The following HEPH variants were observed in gnomAD, a reference collection of about 807,000 sequenced individuals.
The protein encoded by HEPH is hephaestin.
HEPH carries 69 observed loss-of-function variants against 80.8 expected under a neutral mutation model. The ratio of observed to expected loss-of-function variants is 0.85; its 90% confidence interval spans 0.70 to 1.04. The LOEUF (loss-of-function observed/expected upper bound fraction) is 1.04, where lower values mean the gene tolerates loss of function less well. HEPH is among the 50% of genes least tolerant of loss of function. The pLI is 0.00. For missense variants in HEPH, 1,115 were observed against 891.3 expected (o/e 1.25, Z -3.20); for synonymous variants, 431 against 322.8 (o/e 1.34, Z -3.60).
At chrX:66,216,506 C>G (rs2089403823) in intron 15 of HEPH, among the ~76,000 whole-genome samples, 1 of 111,884 alleles carries the variant, frequency 8.9e-6, no homozygotes, top group African/African-American at 3.3e-5. Context: ...TGCAGTTTCT[C>G]CCTAGGGAAA....
chrX:66,226,032 C>A (rs775691443), intron 15 of HEPH, among the ~76,000 whole-genome samples: 4 of 111,198 alleles, frequency 3.6e-5, no homozygotes, highest in Non-Finnish European at 7.5e-5. Flanking sequence ...ATTGAGAAAG[C>A]AGGGGGTATG....
intron 4 of HEPH, 37 bp downstream of exon 4, chrX:66,173,838 G>C (rs756558319): frequency 4.9e-6 from 5 of 1,017,316 alleles, no homozygotes; most frequent in Non-Finnish European, 4.0e-6. Context: ...GGTGTAGTTT[G>C]GGACATCTAG....
At chrX:66,221,819 A>G (rs2089662539) in intron 15 of HEPH, among the ~76,000 whole-genome samples, 1 of 112,434 alleles carries the variant, frequency 8.9e-6, no homozygotes, top group Admixed American at 9.3e-5. Context: ...CAAAATATTG[A>G]CTCAAATCCT....
intron 13 of HEPH, among the ~76,000 whole-genome samples, chrX:66,205,901 A>G (rs2088744521): frequency 9.0e-6 from 1 of 111,407 alleles, no homozygotes; most frequent in Admixed American, 9.6e-5. Flanking sequence ...AAAGAACAGG[A>G]CTAGAAAACG....
intron 13 of HEPH, among the ~76,000 whole-genome samples, chrX:66,204,907 T>A (rs1230170156): frequency 8.9e-6 from 1 of 111,743 alleles, no homozygotes; most frequent in Non-Finnish European, 1.9e-5. Context: ...CAAGTGAGAA[T>A]GGTTTTTTTA....
chrX:66,265,813 T>C (rs897052558), intron 20 of HEPH, among the ~76,000 whole-genome samples: 2 of 111,817 alleles, frequency 1.8e-5, no homozygotes, highest in African/African-American at 6.5e-5. Flanking sequence ...AAGGATAGAT[T>C]AGAGCCTGAT....
chrX:66,189,842 G>T lies in HEPH; in HGVS notation c.967G>T (p.Ala323Ser). Residue 323 changes from alanine to serine, a missense_variant, in exon 6 of 21, where the codon GCT becomes TCT. Coordinates refer to ENST00000343002, the MANE Select transcript of HEPH (RefSeq NM_001367233.3). ...LTTRGHHTDV[A>S]NIFPATFVTA... The stretch of plus-strand genomic sequence containing the variant: ...TACCCGTGGACACCACACTGATGTG[G>T]CTAACATCTTTCCAGCCACCTTTGT... 8.3e-7 allele frequency: 1 copy of T among 1,209,074 alleles called. No homozygotes were observed. Among genetic ancestry groups the T allele is most frequent in the South Asian group, 1.8e-5 (1 of 56,630 alleles).
At chrX:66,186,942 C>T (rs1433324556) in intron 4 of HEPH, among the ~76,000 whole-genome samples, 1 of 110,673 alleles carries the variant, frequency 9.0e-6, no homozygotes, top group African/African-American at 3.3e-5. Flanking sequence ...TTTTCTTTGT[C>T]TTTGTTGGAT....
At chrX:66,249,279 T>C (rs2090925195) in intron 15 of HEPH, among the ~76,000 whole-genome samples, 1 of 111,942 alleles carries the variant, frequency 8.9e-6, no homozygotes, top group African/African-American at 3.2e-5. Context: ...CAGAAAGTGA[T>C]ATAATATCTA....
chrX:66,268,603 C>T (rs1004934499), downstream of HEPH: 1 of 111,879 alleles, frequency 8.9e-6, no homozygotes, highest in African/African-American at 3.2e-5. Flanking sequence ...TTATAATTTA[C>T]ATGCAACTAG....
intron 4 of HEPH, among the ~76,000 whole-genome samples, chrX:66,175,936 G>C (rs1277800828): frequency 2.7e-5 from 3 of 111,153 alleles, no homozygotes; most frequent in Non-Finnish European, 5.7e-5. Context: ...GGGTTTTCAA[G>C]GTAAACTATC....
rs777804735 is a variant in HEPH at position 66,260,186 on chromosome X, A to G, written c.3123A>G (p.Thr1041=). ...VVEMVASNPG[T]WLMHCHVTDH... The stretch of plus-strand genomic sequence containing the variant: ...AGATGGTGGCCAGCAACCCTGGGAC[A>G]TGGCTGATGCACTGCCATGTGACTG... The change falls in exon 19 of 21, where the codon ACA becomes ACG. Residue 1041 remains threonine, a synonymous_variant. Coordinates refer to ENST00000343002, the MANE Select transcript of HEPH (RefSeq NM_001367233.3). 1 of 1,206,087 alleles carries G rather than the reference A, an allele frequency of 8.3e-7. No homozygotes were observed.
chrX:66,230,029 G>T (rs1407756831), intron 15 of HEPH, among the ~76,000 whole-genome samples: 3 of 100,254 alleles, frequency 3.0e-5, no homozygotes, highest in Admixed American at 1.1e-4. Context: ...TGTGGTGTTT[G>T]GTTTTTTGTT....
At chrX:66,264,684 T>A (rs2091475804) in intron 20 of HEPH, among the ~76,000 whole-genome samples, 1 of 108,493 alleles carries the variant, frequency 9.2e-6, no homozygotes, top group South Asian at 4.0e-4. Flanking sequence ...TCTCATGAAC[T>A]GTTAACCAGG....
intron 15 of HEPH, among the ~76,000 whole-genome samples, chrX:66,231,535 A>C (rs1390620513): frequency 9.1e-6 from 1 of 110,107 alleles, no homozygotes. Context: ...TTTTCTTTGA[A>C]GCAATTGTGA....
At chrX:66,200,374 A>G (rs1041649305) in intron 11 of HEPH, 166 bp from the exon 12 acceptor site, 21 of 445,844 alleles carry the variant, frequency 4.7e-5, no homozygotes, top group Non-Finnish European at 7.9e-5. Context: ...AGAGATATTC[A>G]CGAGTAGAGT....
rs996537629 is a variant in HEPH at position 66,200,718 on chromosome X, C to G, written c.2043C>G (p.Thr681=). The change falls in exon 12 of 21, where the codon ACC becomes ACG. Residue 681 remains threonine (T), a synonymous_variant. Coordinates refer to ENST00000343002, the MANE Select transcript of HEPH (RefSeq NM_001367233.3). ...GTGCAGCTATGCTCTTTCCTCATAC[C>G]TTTGTCATGGCCATCATGCAGCCTG... ...RKGAAMLFPH[T]FVMAIMQPDN... is the part of the protein sequence containing the mutation. 16 of 1,209,226 alleles carry G rather than the reference C, an allele frequency of 1.3e-5. No homozygotes were observed. The highest frequency in any genetic ancestry group is 1.7e-5 in the Non-Finnish European group (15 of 894,980).
chrX:66,201,134 T>C (rs2088425635), intron 12 of HEPH, among the ~76,000 whole-genome samples: 2 of 110,977 alleles, frequency 1.8e-5, no homozygotes, highest in African/African-American at 6.6e-5. Flanking sequence ...TGCTATCAAA[T>C]TGATATTCTG....
intron 8 of HEPH, among the ~76,000 whole-genome samples, chrX:66,194,006 A>C (rs747320295): frequency 8.9e-6 from 1 of 111,793 alleles, no homozygotes; most frequent in South Asian, 3.7e-4. Flanking sequence ...GTAAGACTGT[A>C]TAGGTTCTCA....
Sources: gnomAD v4.1 joint callset for allele counts (sites outside exome capture counted in the v4.1 genomes callset) on GRCh38, gnomAD v4.1.1 for gene constraint, MANE v1.5 for transcripts, NCBI Gene and HGNC (gene_info 2026-07-23, HGNC 2026-07-21) for gene names.